WWOX: variants seen among roughly 807,000 people sequenced by gnomAD.
WWOX encodes WW domain containing oxidoreductase.
Under a neutral mutation model 46.2 loss-of-function variants are expected in WWOX, and 69 were observed. The ratio of observed to expected loss-of-function variants is 1.49; its 90% CI spans 1.23 to 1.82. The LOEUF (loss-of-function observed/expected upper bound fraction) is 1.82. Ranked by LOEUF, WWOX falls within the 40% of genes most tolerant of loss-of-function variation. The probability of loss-of-function intolerance (pLI) is 0.00; values close to 1 mark genes in which losing one functional copy is unlikely to be tolerated. For missense variants in WWOX, 919 were observed against 542.6 expected (o/e 1.69, Z -6.89); for synonymous variants, 359 against 202.6 (o/e 1.77, Z -6.56).
intron 8 of WWOX, among the ~76,000 whole-genome samples, chr16:78,520,106 C>T (rs1003634560): frequency 2.6e-5 from 4 of 152,176 alleles, no homozygotes; most frequent in Non-Finnish European, 4.4e-5. Flanking sequence ...ACTCCCATCC[C>T]GGCCACAGAT....
chr16:78,550,413 G>A (rs1597251668), intron 8 of WWOX, among the ~76,000 whole-genome samples: 1 of 152,210 alleles, frequency 6.6e-6, no homozygotes, highest in Non-Finnish European at 1.5e-5. Flanking sequence ...GCATGGTTGT[G>A]TGACAATAAA....
At chr16:78,574,778 G>A (rs539665322) in intron 8 of WWOX, among the ~76,000 whole-genome samples, 1 of 150,952 alleles carries the variant, frequency 6.6e-6, no homozygotes, top group African/African-American at 2.4e-5. Flanking sequence ...CAGAGAGTGA[G>A]AATGGTGGTT....
rs577200754 is a variant in WWOX, at chr16:78,435,864, T to C, written c.1056+3112T>C. Among the ~76,000 whole-genome samples, 9 of 152,320 alleles carry C rather than the reference T, an allele frequency of 5.9e-5. No homozygotes were observed. The South Asian group carries it at 1.9e-3, about 32-fold the overall frequency. Reference sequence around the variant, plus strand: ...AGGTTAGTGTAAGGACCGACAATAATGCATATAACATCAATAATGATGGAT... The same window carrying C: ...AGGTTAGTGTAAGGACCGACAATAACGCATATAACATCAATAATGATGGAT... On this transcript the variant is annotated intron_variant, in intron 8 of 8. Coordinates refer to ENST00000566780, the MANE Select transcript of WWOX (RefSeq NM_016373.4).
rs71140808 is a variant in WWOX, at chr16:78,527,991, C to CTTTTTTTTTTTTTTTTTTTT, written c.1056+95245_1056+95264dup. 2.2e-3 allele frequency among the ~76,000 whole-genome samples: 78 copies of CTTTTTTTTTTTTTTTTTTTT among 34,882 alleles called. 9 individuals are homozygous for CTTTTTTTTTTTTTTTTTTTT. Among genetic ancestry groups the CTTTTTTTTTTTTTTTTTTTT allele is most frequent in the Non-Finnish European group, 2.9e-3 (55 of 18,694 alleles). 22.9% of individuals were successfully genotyped at this position (34,882 alleles called of 152,430 possible). A position where few individuals can be genotyped will look rare whatever the true frequency, so the allele number is the denominator to read the frequency against. ...CTATGTCACAGGACTGGTACATGTC[C>CTTTTTTTTTTTTTTTTTTTT]TTTTTTTTTTTTTTTTTTTTTTTTT... On this transcript the variant is annotated intron_variant, in intron 8 of 8. Transcript: ENST00000566780.
chr16:78,434,658 T>A (rs1033537137), intron 8 of WWOX, among the ~76,000 whole-genome samples: 2 of 152,316 alleles, frequency 1.3e-5, no homozygotes, highest in African/African-American at 4.8e-5. Context: ...TTTAAGGAGC[T>A]CGGTTCAGTG....
chr16:78,412,341 A>G (rs1373328407), intron 6 of WWOX, among the ~76,000 whole-genome samples: 2 of 152,146 alleles, frequency 1.3e-5, no homozygotes, highest in African/African-American at 2.4e-5. Flanking sequence ...TTGACCCTGA[A>G]TTTGTGGGAA....
chr16:79,019,146 C>A (rs1415350537), intron 8 of WWOX, among the ~76,000 whole-genome samples: 1 of 100,386 alleles, frequency 1.0e-5, no homozygotes, highest in African/African-American at 4.0e-5. Flanking sequence ...CAGCAGAGTG[C>A]GACCTTGTCT....
At chr16:78,876,036 A>G (rs567229125) in intron 8 of WWOX, among the ~76,000 whole-genome samples, 2 of 152,254 alleles carry the variant, frequency 1.3e-5, no homozygotes, top group South Asian at 2.1e-4. Context: ...AACAGGCTCC[A>G]TGGTACTATA....
intron 8 of WWOX, among the ~76,000 whole-genome samples, chr16:78,983,436 A>G (rs1410708150): frequency 6.6e-6 from 1 of 152,238 alleles, no homozygotes; most frequent in Non-Finnish European, 1.5e-5. Flanking sequence ...GTATTTATCC[A>G]TAAAACTGAA....
intron 5 of WWOX, among the ~76,000 whole-genome samples, chr16:78,368,699 C>T (rs1169347786): frequency 6.6e-6 from 1 of 152,198 alleles, no homozygotes; most frequent in Non-Finnish European, 1.5e-5. Flanking sequence ...TTCCCCTCCC[C>T]CCTCTAATGC....
At chr16:79,156,893 G>C (rs1416206576) in intron 8 of WWOX, among the ~76,000 whole-genome samples, 1 of 151,838 alleles carries the variant, frequency 6.6e-6, no homozygotes, top group Non-Finnish European at 1.5e-5. Context: ...ACAACTAACA[G>C]AAAAACTTTT....
intron 8 of WWOX, among the ~76,000 whole-genome samples, chr16:78,900,334 A>G (rs993909536): frequency 6.6e-6 from 1 of 152,162 alleles, no homozygotes; most frequent in African/African-American, 2.4e-5. Context: ...CCTTAAGCCC[A>G]AATGAGCTGT....
chr16:79,034,269 C>T (rs76333349), intron 8 of WWOX, among the ~76,000 whole-genome samples: 1 of 152,174 alleles, frequency 6.6e-6, no homozygotes, highest in Non-Finnish European at 1.5e-5. Context: ...CAGAAAAAGG[C>T]ACTCTCTATA....
chr16:78,292,543 C>G (rs886596698), intron 5 of WWOX, among the ~76,000 whole-genome samples: 3 of 151,924 alleles, frequency 2.0e-5, no homozygotes, highest in Non-Finnish European at 4.4e-5. Context: ...TGCAGTATTT[C>G]TATGGTCCAA....
chr16:78,676,411 T>A (rs2142218759), intron 8 of WWOX, among the ~76,000 whole-genome samples: 1 of 151,950 alleles, frequency 6.6e-6, no homozygotes, highest in African/African-American at 2.4e-5. Context: ...CTATTTTTTT[T>A]TTTTTTTTTA....
chr16:78,872,771 T>G (rs1437553166), intron 8 of WWOX: 1 of 152,236 alleles, frequency 6.6e-6, no homozygotes, highest in Non-Finnish European at 1.5e-5. Context: ...CAACACTTAC[T>G]TCACATGCAG....
In WWOX at chr16:78,530,373, G is replaced by A. The variant is rs754036599; in HGVS notation, c.1056+97621G>A. On this transcript the variant is annotated intron_variant, in intron 8 of 8. Transcript: ENST00000566780. ...AAATTTTAAGGATGGCAGATGTGGG[G>A]GATTTTATTGCTGATGAAAGTGGCT... Among the ~76,000 whole-genome samples the A allele has an allele frequency of 6.1e-4, 93 of 152,270 alleles. No individual in the cohort carries two copies. The Middle Eastern group carries it at 0.014, about 22-fold the overall frequency.
intron 8 of WWOX, among the ~76,000 whole-genome samples, chr16:78,676,900 A>C (rs1318336975): frequency 6.6e-6 from 1 of 152,148 alleles, no homozygotes; most frequent in African/African-American, 2.4e-5. Context: ...CATTATTGAT[A>C]AGTTAATTTA....
chr16:78,955,202 C>A (rs899162603), intron 8 of WWOX, among the ~76,000 whole-genome samples: 3 of 152,164 alleles, frequency 2.0e-5, no homozygotes, highest in Admixed American at 1.3e-4. Flanking sequence ...AGATCAGGGC[C>A]ATATGCTAGA....
Sources: gnomAD v4.1 joint callset for allele counts (sites outside exome capture counted in the v4.1 genomes callset) on GRCh38, gnomAD v4.1.1 for gene constraint, MANE v1.5 for transcripts, NCBI Gene and HGNC (gene_info 2026-07-23, HGNC 2026-07-21) for gene names.